The following PVT1 variants were observed in gnomAD, a reference collection of about 807,000 sequenced individuals.
PVT1 encodes the protein Pvt1 oncogene.
In PVT1 at chr8:127,877,305, C is replaced by A. The variant is rs950487263; in HGVS notation, n.373-13284C>A. Reference sequence around the variant, plus strand: ...GGGCAAGGGGCCCGCCCTTTTCACGCTGCTGTTTCTGTAACTTTCAGATAT... The same window carrying A: ...GGGCAAGGGGCCCGCCCTTTTCACGATGCTGTTTCTGTAACTTTCAGATAT... On this transcript the variant is annotated intron_variant and non_coding_transcript_variant, in intron 2 of 10. Transcript: ENST00000651587. 5.8e-4 allele frequency among the ~76,000 whole-genome samples: 88 copies of A among 152,202 alleles called. 1 individual carries two copies. Among genetic ancestry groups the A allele is most frequent in the Non-Finnish European group, 1.0e-4 (7 of 68,032 alleles).
chr8:127,977,508 G>C (rs183866610), intron 3 of PVT1, among the ~76,000 whole-genome samples: 1 of 152,126 alleles, frequency 6.6e-6, no homozygotes, highest in African/African-American at 2.4e-5. Flanking sequence ...TGAGGTGGGC[G>C]GATCACTTGA....
At chr8:127,874,414 C>G (rs1815383212) in intron 2 of PVT1, among the ~76,000 whole-genome samples, 2 of 152,160 alleles carry the variant, frequency 1.3e-5, no homozygotes, top group African/African-American at 4.8e-5. Context: ...CAGTGAATGA[C>G]ACATCCACCA....
At chr8:127,986,265 C>A (rs995153803) in intron 3 of PVT1, among the ~76,000 whole-genome samples, 1 of 152,212 alleles carries the variant, frequency 6.6e-6, no homozygotes, top group South Asian at 2.1e-4. Context: ...CACACCTCTG[C>A]CCCGAACCTC....
intron 4 of PVT1, chr8:128,008,970 G>A (rs762623764): frequency 2.9e-5 from 15 of 513,050 alleles, no homozygotes; most frequent in African/African-American, 1.4e-4. Context: ...AATTATGCTC[G>A]CCACACAATT....
chr8:127,948,233 C>G (rs1406290576), intron 3 of PVT1: 1 of 322,632 alleles, frequency 3.1e-6, no homozygotes, highest in Non-Finnish European at 6.0e-6. Context: ...TGAAAAGCAG[C>G]TGCTGAGTGG....
chr8:127,921,854 G>GTTTTTTTGTTTTTTTTTTTTTTT (rs1816063128), intron 3 of PVT1, among the ~76,000 whole-genome samples: 10 of 71,920 alleles, frequency 1.4e-4, no homozygotes, highest in African/African-American at 4.9e-4. Context: ...TTTGGTTCAT[G>GTTTTTTTGTTTTTTTTTTTTTTT]TTTTTTTTTT....
chr8:127,801,420 T>C (rs1388448438), intron 2 of PVT1, among the ~76,000 whole-genome samples: 1 of 152,084 alleles, frequency 6.6e-6, no homozygotes, highest in Non-Finnish European at 1.5e-5. Context: ...GTTTTTATTT[T>C]TGTAGAGATG....
intron 2 of PVT1, among the ~76,000 whole-genome samples, chr8:127,838,476 G>A (rs1016732307): frequency 6.6e-6 from 1 of 152,088 alleles, no homozygotes; most frequent in Non-Finnish European, 1.5e-5. Context: ...AGGCTGAGGC[G>A]AGTGGATTAC....
chr8:127,820,881 G>A (rs970183728), intron 2 of PVT1, among the ~76,000 whole-genome samples: 3 of 151,922 alleles, frequency 2.0e-5, no homozygotes, highest in African/African-American at 7.3e-5. Flanking sequence ...ACTAATTTTT[G>A]TATTTTTAGT....
At chr8:127,948,344 C>T (rs1816452046) in intron 3 of PVT1, 1 of 172,196 alleles carries the variant, frequency 5.8e-6, no homozygotes, top group Admixed American at 5.5e-5. Context: ...TCTGGTTTCT[C>T]AGGGGAGAAA....
chr8:128,042,367 A>G (rs1015609869), intron 4 of PVT1, among the ~76,000 whole-genome samples: 1 of 152,222 alleles, frequency 6.6e-6, no homozygotes, highest in Non-Finnish European at 1.5e-5. Flanking sequence ...AGCAAAGAAT[A>G]ATATTGAGCA....
intron 2 of PVT1, among the ~76,000 whole-genome samples, chr8:127,822,349 G>A (rs569717243): frequency 6.6e-6 from 1 of 152,226 alleles, no homozygotes; most frequent in Non-Finnish European, 1.5e-5. Flanking sequence ...AGGCCAAGAC[G>A]AGCGGATAGT....
intron 2 of PVT1, among the ~76,000 whole-genome samples, chr8:127,865,184 G>A (rs1285541623): frequency 6.6e-6 from 1 of 152,192 alleles, no homozygotes; most frequent in Non-Finnish European, 1.5e-5. Context: ...ATGGGGAGGT[G>A]GTTGAAATCA....
intron 5 of PVT1, among the ~76,000 whole-genome samples, chr8:128,071,239 C>T (rs1160395177): frequency 6.6e-6 from 1 of 152,148 alleles, no homozygotes; most frequent in East Asian, 1.9e-4. Context: ...AAGTTCCTGC[C>T]CTGCACCATG....
At chr8:127,810,495 A>G (rs1048265028) in intron 2 of PVT1, among the ~76,000 whole-genome samples, 2 of 152,196 alleles carry the variant, frequency 1.3e-5, no homozygotes, top group Admixed American at 1.3e-4. Flanking sequence ...TGGGCGAGGA[A>G]TCTGGCCCTC....
At chr8:128,053,318 T>C (rs767290387) in intron 4 of PVT1, among the ~76,000 whole-genome samples, 27 of 151,762 alleles carry the variant, frequency 1.8e-4, no homozygotes, top group Admixed American at 3.9e-4. Flanking sequence ...TAGATTATAG[T>C]GGGTGCTCAG....
chr8:128,025,738 T>A (rs904522), intron 4 of PVT1, among the ~76,000 whole-genome samples: 2 of 152,084 alleles, frequency 1.3e-5, no homozygotes, highest in Non-Finnish European at 2.9e-5. Flanking sequence ...TAATTAACGT[T>A]TTGAAAGCTC....
chr8:127,800,718 G>T (rs769062273), intron 2 of PVT1, among the ~76,000 whole-genome samples: 29 of 152,238 alleles, frequency 1.9e-4, no homozygotes, highest in Non-Finnish European at 3.8e-4. Flanking sequence ...TTTGTTGGGT[G>T]TCTACTCTGT....
chr8:127,902,513 T>G (rs1289895907), intron 3 of PVT1, among the ~76,000 whole-genome samples: 1 of 152,078 alleles, frequency 6.6e-6, no homozygotes, highest in Non-Finnish European at 1.5e-5. Context: ...GGTTGAAGTT[T>G]GGAGTATGAT....
Sources: gnomAD v4.1 joint callset for allele counts (sites outside exome capture counted in the v4.1 genomes callset) on GRCh38, gnomAD v4.1.1 for gene constraint, MANE v1.5 for transcripts, NCBI Gene and HGNC (gene_info 2026-07-23, HGNC 2026-07-21) for gene names.